HPSE2: variants seen among roughly 807,000 people sequenced by gnomAD.
HPSE2 encodes the protein inactive heparanase-2.
HPSE2 carries 38 observed loss-of-function variants against 60.5 expected under a neutral mutation model. That is an observed-to-expected ratio of 0.63 (90% CI 0.48 to 0.82). HPSE2 has a LOEUF of 0.82. Among genes scored for constraint, HPSE2 ranks in the 40% least tolerant of loss-of-function variants. HPSE2 has a pLI of 0.00. For synonymous variants in HPSE2, 295 were observed against 293.2 expected, an observed-to-expected ratio of 1.01 and a Z score of -0.06; for missense variants, 713 against 740.4, an observed-to-expected ratio of 0.96 and a Z score of 0.43.
chr10:98,916,881 A>T (rs1439420269), intron 3 of HPSE2, among the ~76,000 whole-genome samples: 1 of 152,088 alleles, frequency 6.6e-6, no homozygotes, highest in Non-Finnish European at 1.5e-5. Context: ...TTCCACATCC[A>T]TATTGCTATG....
chr10:99,209,087 G>T (rs1306611016), intron 2 of HPSE2, among the ~76,000 whole-genome samples: 1 of 152,134 alleles, frequency 6.6e-6, no homozygotes, highest in Non-Finnish European at 1.5e-5. Flanking sequence ...CGATTATCCA[G>T]AGAGAAAATT....
rs1431206060 is a variant in HPSE2 at position 98,938,334 on chromosome 10, A to C, written c.611-194278T>G. Among the ~76,000 whole-genome samples, 4 of 144,066 alleles carry C rather than the reference A, an allele frequency of 2.8e-5. 1 individual carries two copies. The highest frequency in any genetic ancestry group is 1.1e-4 in the African/African-American group (4 of 35,492). 94.5% of individuals were successfully genotyped at this position (144,066 alleles called of 152,430 possible). ...CAAACCAAAGGCAAAGAAGTTAAAA[A>C]CTTTGAAAAAAATTTAGACAAATGT... On this transcript the variant is annotated intron_variant, in intron 3 of 11. Coordinates refer to ENST00000370552, the MANE Select transcript of HPSE2 (RefSeq NM_021828.5).
At chr10:98,584,750 C>T (rs1163274015) in intron 9 of HPSE2, among the ~76,000 whole-genome samples, 4 of 152,190 alleles carry the variant, frequency 2.6e-5, no homozygotes, top group African/African-American at 9.7e-5. Flanking sequence ...ATAGTGTTTT[C>T]TCCACCAGCA....
At chr10:98,681,496 T>A (rs1028001244) in intron 6 of HPSE2, among the ~76,000 whole-genome samples, 10 of 152,218 alleles carry the variant, frequency 6.6e-5, no homozygotes, top group Non-Finnish European at 1.2e-4. Flanking sequence ...CAATGGAATT[T>A]GATACATTAC....
chr10:98,817,541 T>C (rs1460031353), intron 3 of HPSE2, among the ~76,000 whole-genome samples: 1 of 152,200 alleles, frequency 6.6e-6, no homozygotes, highest in African/African-American at 2.4e-5. Context: ...TAGAGCAGTC[T>C]TGAAACTCAC....
the HPSE2 span, among the ~76,000 whole-genome samples, chr10:99,255,262 C>T: frequency 3.9e-5 from 6 of 152,002 alleles, no homozygotes; most frequent in African/African-American, 9.7e-5. Context: ...TGTATGAAAA[C>T]GTGATTACTG....
chr10:98,470,903 A>C (rs888948759), intron 11 of HPSE2, among the ~76,000 whole-genome samples: 1 of 151,952 alleles, frequency 6.6e-6, no homozygotes, highest in East Asian at 1.9e-4. Context: ...CAAACAAAAA[A>C]CTCTCGGAAA....
At chr10:99,146,867 T>A (rs1343885629) in intron 2 of HPSE2, among the ~76,000 whole-genome samples, 1 of 151,642 alleles carries the variant, frequency 6.6e-6, no homozygotes, top group East Asian at 1.9e-4. Context: ...TCAAAAAAAA[T>A]AAAAATAAAA....
At chr10:98,778,860 A>C (rs1950405468) in intron 3 of HPSE2, among the ~76,000 whole-genome samples, 1 of 152,182 alleles carries the variant, frequency 6.6e-6, no homozygotes, top group African/African-American at 2.4e-5. Flanking sequence ...AGGAGATTAA[A>C]TTTTAGCAAA....
At chr10:99,243,438 C>T in the HPSE2 span, among the ~76,000 whole-genome samples, 12 of 152,026 alleles carry the variant, frequency 7.9e-5, no homozygotes, top group Admixed American at 6.6e-4. Flanking sequence ...GACTACACTT[C>T]GAGTATGTTT....
chr10:98,518,792 C>T (rs899654076), intron 9 of HPSE2, among the ~76,000 whole-genome samples: 3 of 151,936 alleles, frequency 2.0e-5, no homozygotes, highest in Non-Finnish European at 2.9e-5. Flanking sequence ...GCAAAGAGAT[C>T]GGCCCAGTTC....
At chr10:98,556,564 T>C (rs1359451667) in intron 9 of HPSE2, among the ~76,000 whole-genome samples, 3 of 152,160 alleles carry the variant, frequency 2.0e-5, no homozygotes, top group South Asian at 2.1e-4. Flanking sequence ...TTAAGAAAGA[T>C]ACAACTTCAA....
chr10:99,147,958 T>A (rs745806373), intron 2 of HPSE2, among the ~76,000 whole-genome samples: 16 of 152,164 alleles, frequency 1.1e-4, no homozygotes, highest in Non-Finnish European at 2.1e-4. Flanking sequence ...ATTAATGATG[T>A]AAGATTTAAG....
intron 3 of HPSE2, among the ~76,000 whole-genome samples, chr10:98,950,493 G>C (rs1955324532): frequency 3.9e-5 from 6 of 152,110 alleles, no homozygotes; most frequent in Admixed American, 3.3e-4. Flanking sequence ...TGATTAAAAT[G>C]AATGGAAAAA....
intron 3 of HPSE2, among the ~76,000 whole-genome samples, chr10:98,846,048 G>T (rs1182717671): frequency 6.6e-6 from 1 of 152,180 alleles, no homozygotes; most frequent in Non-Finnish European, 1.5e-5. Flanking sequence ...TAACTTTACA[G>T]ATTCTCTTTA....
chr10:99,281,928 T>C, the HPSE2 span, among the ~76,000 whole-genome samples: 2 of 152,128 alleles, frequency 1.3e-5, no homozygotes, highest in East Asian at 3.9e-4. Flanking sequence ...TTGGCTATAT[T>C]ATTATCAGAA....
chr10:98,578,622 G>A (rs1325834261), intron 9 of HPSE2, among the ~76,000 whole-genome samples: 1 of 152,126 alleles, frequency 6.6e-6, no homozygotes, highest in African/African-American at 2.4e-5. Flanking sequence ...GTATAAACAA[G>A]CATACAAAAG....
In HPSE2 at chr10:99,029,528, A is replaced by G. The variant is rs535341440; in HGVS notation, c.610+114710T>C. Among the ~76,000 whole-genome samples the G allele has an allele frequency of 3.3e-4, 50 of 152,230 alleles. No individual in the cohort carries two copies. The South Asian group carries it at 7.2e-3, about 22-fold the overall frequency. ...GGGTAAAGAGTGTGAGTCATCTCCAATGATAGGTAAGGTCACGTGGGTCAC... is the reference window on the plus strand; with the variant it reads ...GGGTAAAGAGTGTGAGTCATCTCCAGTGATAGGTAAGGTCACGTGGGTCAC... On this transcript the variant is annotated intron_variant, in intron 3 of 11. Transcript: ENST00000370552.
At chr10:98,594,507 G>T (rs1265013877) in intron 9 of HPSE2, among the ~76,000 whole-genome samples, 1 of 151,896 alleles carries the variant, frequency 6.6e-6, no homozygotes, top group African/African-American at 2.4e-5. Context: ...CTGCAAAAAG[G>T]AACAATTTAA....
Sources: allele counts gnomAD v4.1 joint callset (sites outside exome capture counted in the v4.1 genomes callset), GRCh38; gene constraint gnomAD v4.1.1; transcripts MANE v1.5; gene names NCBI Gene and HGNC (gene_info 2026-07-23, HGNC 2026-07-21).